The following PCYT1B variants were observed in gnomAD, a reference collection of about 807,000 sequenced individuals.
PCYT1B encodes phosphate cytidylyltransferase 1B, choline.
In PCYT1B, 10 loss-of-function variants were observed where a neutral mutation model predicts 26.4. That is an observed-to-expected ratio of 0.38 (90% CI 0.23 to 0.64). The LOEUF (loss-of-function observed/expected upper bound fraction) is 0.64. Among genes scored for constraint, PCYT1B ranks in the 30% least tolerant of loss-of-function variants. The pLI is 0.56. For missense variants in PCYT1B, 161 were observed against 292.7 expected (o/e 0.55, Z 3.28); for synonymous variants, 131 against 108.4 (o/e 1.21, Z -1.29).
chrX:24,581,353 C>G (rs1457960243), intron 5 of PCYT1B, among the ~76,000 whole-genome samples: 2 of 111,767 alleles, frequency 1.8e-5, no homozygotes, highest in Non-Finnish European at 3.8e-5. Context: ...GGGGGGACTG[C>G]TGTTGTATTC....
chrX:24,648,627 T>C (rs557409788), upstream of PCYT1B, among the ~76,000 whole-genome samples: 1 of 108,897 alleles, frequency 9.2e-6, no homozygotes. Context: ...CATTCAAGTG[T>C]GGTCTGGGAC....
At chrX:24,654,167 C>T (rs181316669) in intron 1 of PCYT1B, among the ~76,000 whole-genome samples, 1,375 of 76,978 alleles carry the variant, frequency 0.018, 40 homozygotes, top group African/African-American at 0.067. Flanking sequence ...CAGTGTGGTG[C>T]AATCTCGGCT....
rs762217678 is a variant in PCYT1B at position 24,587,233 on chromosome X, T to A, written c.565+8A>T. On this transcript the variant is annotated splice_region_variant and intron_variant, in intron 5 of 7. Coordinates refer to ENST00000379144, the MANE Select transcript of PCYT1B (RefSeq NM_004845.5). Reference sequence around the variant, plus strand: ...TGGTTGACAGGTGAGCACAGGGGAATGCCTCACCTGCTTCCTTTATGTGCT... The same window carrying A: ...TGGTTGACAGGTGAGCACAGGGGAAAGCCTCACCTGCTTCCTTTATGTGCT... 3 of 1,159,486 alleles carry A rather than the reference T, an allele frequency of 2.6e-6. No individual in the cohort carries two copies. In the Admixed American group the frequency reaches 6.5e-5, roughly 25 times the overall value.
At chrX:24,637,283 C>T (rs2148267705) in intron 1 of PCYT1B, among the ~76,000 whole-genome samples, 1 of 106,312 alleles carries the variant, frequency 9.4e-6, no homozygotes, top group Admixed American at 1.1e-4. Flanking sequence ...AACTATGTGT[C>T]ATGGAAATAG....
In PCYT1B at chrX:24,607,247, A is replaced by G. The variant is rs61375610; in HGVS notation, c.334+498T>C. On this transcript the variant is annotated intron_variant, in intron 3 of 7. Transcript: ENST00000379144. ...ATCTCCATGTCTTTAACACACTGCT[A>G]CAAATTCAACTAAGTGGGGCTGTTA... is the stretch of plus-strand genomic sequence containing the variant. 2.9e-4 allele frequency among the ~76,000 whole-genome samples: 33 copies of G among 112,482 alleles called. No homozygotes were observed. The East Asian group carries it at 7.0e-3, about 24-fold the overall frequency.
At chrX:24,562,642 T>C (rs749433108) in intron 7 of PCYT1B, 137 bp from the exon 8 acceptor site, 1 of 512,408 alleles carries the variant, frequency 2.0e-6, no homozygotes, top group Non-Finnish European at 3.3e-6. Context: ...CCACATCCCG[T>C]GTTGTCCAAG....
chrX:24,625,131 A>G (rs1173224368), intron 1 of PCYT1B, among the ~76,000 whole-genome samples: 1 of 112,420 alleles, frequency 8.9e-6, no homozygotes, highest in Non-Finnish European at 1.9e-5. Flanking sequence ...TTACAAAGAC[A>G]GAACATTTTA....
chrX:24,580,139 C>T lies in PCYT1B; in HGVS notation c.566-681G>A, dbSNP rs189052966. ...TGTGAGCAGTGACTGCGCCACTGCA[C>T]TCCAGCCTGACCTTGTCTCAAACAA... On this transcript the variant is annotated intron_variant, in intron 5 of 7. Coordinates refer to ENST00000379144, the MANE Select transcript of PCYT1B (RefSeq NM_004845.5). 7.1e-5 allele frequency among the ~76,000 whole-genome samples: 8 copies of T among 112,537 alleles called. No individual in the cohort carries two copies. The East Asian group carries it at 2.2e-3, about 31-fold the overall frequency.
Position 24,628,382 on chromosome X carries a change from C to T in PCYT1B, c.118-9298G>A, listed in dbSNP as rs756825565. The stretch of plus-strand genomic sequence containing the variant: ...TTTGCTGAATGGGGGAATTTAAAGT[C>T]ACAGGAGTGAGAATGATAATTGATA... On this transcript the variant is annotated intron_variant, in intron 1 of 7. Coordinates refer to ENST00000379144, the MANE Select transcript of PCYT1B (RefSeq NM_004845.5). Among the ~76,000 whole-genome samples the T allele has an allele frequency of 4.5e-5, 5 of 111,558 alleles. No homozygotes were observed. In the South Asian group the frequency reaches 1.9e-3, roughly 42 times the overall value.
Position 24,644,696 on chromosome X carries a change from G to A in PCYT1B, c.117+2293C>T, listed in dbSNP as rs750213553. On this transcript the variant is annotated intron_variant, in intron 1 of 7. Transcript: ENST00000379144. ...TCTACAATGGGTGGGAGGTGAGGGTGTAGAGCACATTGCCAGCTTTGCGTG... is the reference window on the plus strand; with the variant it reads ...TCTACAATGGGTGGGAGGTGAGGGTATAGAGCACATTGCCAGCTTTGCGTG... Among the ~76,000 whole-genome samples, 3 of 111,551 alleles carry A rather than the reference G, an allele frequency of 2.7e-5. No individual in the cohort carries two copies. In the South Asian group the frequency reaches 1.1e-3, roughly 43 times the overall value.
At chrX:24,623,399 A>ATATATATATATATAT (rs1925767270) in intron 1 of PCYT1B, among the ~76,000 whole-genome samples, 14 of 91,511 alleles carry the variant, frequency 1.5e-4, no homozygotes, top group East Asian at 6.9e-4. Flanking sequence ...ATATATATAT[A>ATATATATATATATAT]ACTTTAAATT....
At chrX:24,632,037 G>A (rs1225672111) in intron 1 of PCYT1B, among the ~76,000 whole-genome samples, 1 of 112,097 alleles carries the variant, frequency 8.9e-6, no homozygotes, top group African/African-American at 3.2e-5. Context: ...GGTGCCCTGA[G>A]GTGCCAGGAT....
chrX:24,637,201 C>T (rs1202824847), intron 1 of PCYT1B, among the ~76,000 whole-genome samples: 1 of 109,081 alleles, frequency 9.2e-6, no homozygotes, highest in Non-Finnish European at 1.9e-5. Flanking sequence ...TCTAAAAGTG[C>T]ATCTAGGCAC....
chrX:24,591,015 G>A (rs765879668), intron 3 of PCYT1B, among the ~76,000 whole-genome samples: 4 of 109,473 alleles, frequency 3.7e-5, no homozygotes, highest in Admixed American at 2.9e-4. Context: ...GTATGGTCTC[G>A]ATCTCCTGAC....
intron 5 of PCYT1B, among the ~76,000 whole-genome samples, chrX:24,581,465 C>A (rs1924204287): frequency 2.7e-5 from 3 of 111,978 alleles, no homozygotes; most frequent in African/African-American, 9.7e-5. Context: ...CTGCCACAGA[C>A]ACAATCTTTA....
intron 1 of PCYT1B, among the ~76,000 whole-genome samples, chrX:24,658,759 C>G (rs1926977227): frequency 9.0e-6 from 1 of 111,656 alleles, no homozygotes; most frequent in South Asian, 3.7e-4. Flanking sequence ...TATAAAGTCT[C>G]TTTTGCCATA....
intron 1 of PCYT1B, among the ~76,000 whole-genome samples, chrX:24,660,189 C>T (rs1927000048): frequency 8.9e-6 from 1 of 111,795 alleles, no homozygotes; most frequent in Admixed American, 9.5e-5. Flanking sequence ...TTTATTCATA[C>T]ATGGATTTTG....
At chrX:24,648,448 A>G (rs866060495), upstream of PCYT1B, among the ~76,000 whole-genome samples, 1 of 34,559 alleles carries the variant, frequency 2.9e-5, no homozygotes, top group East Asian at 1.2e-3. Context: ...GATTTGAAGG[A>G]ATTTTTTTTT....
rs763737103 is a variant in PCYT1B at position 24,620,150 on chromosome X, A to G, written c.118-1066T>C. 5.3e-5 allele frequency among the ~76,000 whole-genome samples: 6 copies of G among 112,447 alleles called. No homozygotes were observed. The South Asian group carries it at 2.2e-3, about 41-fold the overall frequency. On this transcript the variant is annotated intron_variant, in intron 1 of 7. Transcript: ENST00000379144. ...CCTGGGGACACTAGACTGAAGAATG[A>G]TCCATACATTTGGACAGGGGCTATG...
Sources: gnomAD v4.1 joint callset for allele counts (sites outside exome capture counted in the v4.1 genomes callset) on GRCh38, gnomAD v4.1.1 for gene constraint, MANE v1.5 for transcripts, NCBI Gene and HGNC (gene_info 2026-07-23, HGNC 2026-07-21) for gene names.